Variants in CTHRC1 observed in about 807,000 individuals in gnomAD.
CTHRC1 encodes collagen triple helix repeat containing 1, also known as collagen triple helix repeat-containing protein 1.
CTHRC1 carries 21 observed loss-of-function variants against 25.9 expected under a neutral mutation model. The ratio of observed to expected loss-of-function variants is 0.81; its 90% confidence interval spans 0.57 to 1.17. The LOEUF (loss-of-function observed/expected upper bound fraction) is 1.17. Among genes scored for constraint, CTHRC1 ranks in the 50% most tolerant of loss-of-function variants. The pLI is 0.00. For synonymous variants in CTHRC1, 109 were observed against 113.1 expected (o/e 0.96, Z 0.23); for missense variants, 281 against 304.3 (o/e 0.92, Z 0.57).
intron 1 of CTHRC1, among the ~76,000 whole-genome samples, chr8:103,373,744 G>A (rs983616191): frequency 1.3e-5 from 2 of 149,038 alleles, no homozygotes; most frequent in Non-Finnish European, 3.0e-5. Flanking sequence ...AACCAAAAAT[G>A]TCTCTAGACA....
At chr8:103,371,863 G>A in intron 1 of CTHRC1, 57 bp downstream of exon 1, 5 of 1,443,416 alleles carry the variant, frequency 3.5e-6, no homozygotes, top group Non-Finnish European at 4.6e-6. Flanking sequence ...ACCTGGCCGC[G>A]CGCCCCACGG....
At chr8:103,372,841 A>G (rs888924574) in intron 1 of CTHRC1, among the ~76,000 whole-genome samples, 2 of 151,126 alleles carry the variant, frequency 1.3e-5, no homozygotes, top group Non-Finnish European at 3.0e-5. Flanking sequence ...AAGTTGGGGC[A>G]TTTTTTTTTA....
intron 3 of CTHRC1, among the ~76,000 whole-genome samples, chr8:103,379,505 T>G (rs1194507321): frequency 1.3e-5 from 2 of 152,090 alleles, no homozygotes; most frequent in African/African-American, 4.8e-5. Context: ...AATCTCATCC[T>G]CCAGAGACAC....
intron 2 of CTHRC1, among the ~76,000 whole-genome samples, chr8:103,377,607 T>C (rs1233757415): frequency 3.1e-5 from 4 of 127,248 alleles, no homozygotes; most frequent in African/African-American, 1.2e-4. Flanking sequence ...TATTTTTGTT[T>C]ATTTTAATTT....
chr8:103,382,969 A>T lies in CTHRC1; in HGVS notation c.*369A>T, dbSNP rs1815940919. The T allele has an allele frequency of 5.7e-6, 1 of 176,908 alleles. No homozygotes were observed. Among genetic ancestry groups the T allele is most frequent in the South Asian group, 1.1e-4 (1 of 8,888 alleles). 11.0% of individuals were successfully genotyped at this position (176,908 alleles called of 1,614,324 possible). A position where few individuals can be genotyped will look rare whatever the true frequency, so the allele number is the denominator to read the frequency against. ...TTAAGAATTTTTTTTATATCTGTTAAATAAAAATTATTTCCAACAACCTTA... is the reference window on the plus strand; with the variant it reads ...TTAAGAATTTTTTTTATATCTGTTATATAAAAATTATTTCCAACAACCTTA... On this transcript the variant is annotated 3_prime_UTR_variant, in exon 4 of 4. Coordinates refer to ENST00000330295, the MANE Select transcript of CTHRC1 (RefSeq NM_138455.4).
rs1233920811 is a variant in CTHRC1 at position 103,377,547 on chromosome 8, C to T, written c.373-480C>T. 3.3e-5 allele frequency among the ~76,000 whole-genome samples: 5 copies of T among 152,186 alleles called. No individual in the cohort carries two copies. The East Asian group carries it at 7.7e-4, about 23-fold the overall frequency. On this transcript the variant is annotated intron_variant, in intron 2 of 3. Transcript: ENST00000330295. ...TTTCTTAGAGTTCCTATATCAAAAT[C>T]TCTTACCTAGCTTGCAGAAAATCTC...
intron 3 of CTHRC1, among the ~76,000 whole-genome samples, chr8:103,380,215 G>C (rs981815660): frequency 6.6e-6 from 1 of 152,202 alleles, no homozygotes; most frequent in Non-Finnish European, 1.5e-5. Flanking sequence ...TTTAAGGTGT[G>C]TGTTAATATT....
At position 103,375,770 on chromosome 8, in the gene CTHRC1, A is replaced by C. The variant is rs755392681; in HGVS notation, c.183A>C (p.Gly61=). The change falls in exon 2 of 4, where the codon GGA becomes GGC. Residue 61 remains glycine, a synonymous_variant. Coordinates refer to ENST00000330295, the MANE Select transcript of CTHRC1 (RefSeq NM_138455.4). ...GAATGTGCTTACAAGGGCCAGCAGG[A>C]GTGCCTGGTCGAGACGGGAGCCCTG... The part of the protein sequence containing the change: ...YNGMCLQGPA[G]VPGRDGSPGA... The C allele has an allele frequency of 5.6e-6, 9 of 1,614,108 alleles. No individual in the cohort carries two copies. The highest frequency in any genetic ancestry group is 7.6e-6 in the Non-Finnish European group (9 of 1,180,020).
intron 3 of CTHRC1, among the ~76,000 whole-genome samples, chr8:103,381,327 T>C (rs1361497423): frequency 6.7e-6 from 1 of 148,216 alleles, no homozygotes; most frequent in African/African-American, 2.5e-5. Context: ...TTCCCACTTA[T>C]GAGTGAGCAA....
At position 103,382,545 on chromosome 8, in the gene CTHRC1, C is replaced by T. The variant is rs1480270495; in HGVS notation, c.677C>T (p.Ala226Val). The T allele has an allele frequency of 1.9e-6, 3 of 1,613,132 alleles. No individual in the cohort carries two copies. The highest frequency in any genetic ancestry group is 2.5e-6 in the Non-Finnish European group (3 of 1,179,308). Residue 226 changes from alanine (A) to valine (V), a missense_variant, in exon 4 of 4, where the codon GCT (alanine) becomes GTT (valine). Coordinates refer to ENST00000330295, the MANE Select transcript of CTHRC1 (RefSeq NM_138455.4). ...TGTTCAGATTACCCAAAAGGAGATG[C>T]TTCTACTGGATGGAATTCAGTTTCT... ...GTCSDYPKGD[A>V]STGWNSVSRI...
At position 103,382,442 on chromosome 8, in the gene CTHRC1, C is replaced by A; in HGVS notation, c.590-16C>A. On this transcript the variant is annotated splice_polypyrimidine_tract_variant and intron_variant, in intron 3 of 3. Transcript: ENST00000330295. ...TTGTTCTAAAGAAAGATGTAACTTT[C>A]ATCTTTGTCTTGCAGTGGAAGGACT... 1 of 1,613,458 alleles carries A rather than the reference C, an allele frequency of 6.2e-7. No individual in the cohort carries two copies. Among genetic ancestry groups the A allele is most frequent in the South Asian group, 1.1e-5 (1 of 91,064 alleles).
In CTHRC1 at chr8:103,371,592, C is replaced by G. The variant is rs891139506; in HGVS notation, c.-65C>G. ...CCTCGGAGCGCGGCGGAGCCAGACG[C>G]TGACCACGTTCCTCTCCTCGGTCTC... On this transcript the variant is annotated 5_prime_UTR_variant, in exon 1 of 4. Transcript: ENST00000330295. 1.1e-5 allele frequency: 17 copies of G among 1,506,914 alleles called. No individual in the cohort carries two copies. Among genetic ancestry groups the G allele is most frequent in the Non-Finnish European group, 1.5e-5 (17 of 1,126,800 alleles). 93.3% of individuals were successfully genotyped at this position (1,506,914 alleles called of 1,614,324 possible). A position where few individuals can be genotyped will look rare whatever the true frequency, so the allele number is the denominator to read the frequency against.
chr8:103,381,581 G>C (rs562292670), intron 3 of CTHRC1, among the ~76,000 whole-genome samples: 1 of 152,152 alleles, frequency 6.6e-6, no homozygotes, highest in South Asian at 2.1e-4. Flanking sequence ...AAAACACAGA[G>C]GAAAAGCAGG....
intron 3 of CTHRC1, among the ~76,000 whole-genome samples, chr8:103,378,672 A>T (rs1342270153): frequency 3.3e-5 from 5 of 152,152 alleles, no homozygotes; most frequent in African/African-American, 1.2e-4. Context: ...CCTTCCAGGG[A>T]GTCAGATTTA....
In CTHRC1 at chr8:103,371,611, C is replaced by G. The variant is rs1330322112; in HGVS notation, c.-46C>G. The G allele has an allele frequency of 6.6e-7, 1 of 1,523,488 alleles. No individual in the cohort carries two copies. The highest frequency in any genetic ancestry group is 8.8e-7 in the Non-Finnish European group (1 of 1,137,204). The allele number at this position is 1,523,488 out of a possible 1,614,324, so 94.4% of individuals were successfully genotyped here. A position where few individuals can be genotyped will look rare whatever the true frequency, so the allele number is the denominator to read the frequency against. On this transcript the variant is annotated 5_prime_UTR_variant, in exon 1 of 4. Coordinates refer to ENST00000330295, the MANE Select transcript of CTHRC1 (RefSeq NM_138455.4). ...CAGACGCTGACCACGTTCCTCTCCT[C>G]GGTCTCCTCCGCCTCCAGCTCCGCG...
rs1025290838 is a variant in CTHRC1, at chr8:103,382,763, T to C, written c.*163T>C. ...CACACTGTTTTTAAATCTAGCATTA[T>C]TCATTTTGCTTCAATCAAAAGTGGT... On this transcript the variant is annotated 3_prime_UTR_variant, in exon 4 of 4. Transcript: ENST00000330295. 7 of 718,870 alleles carry C rather than the reference T, an allele frequency of 9.7e-6. No homozygotes were observed. The highest frequency in any genetic ancestry group is 8.8e-5 in the African/African-American group (5 of 56,940). The allele number at this position is 718,870 out of a possible 1,614,324, so 44.5% of individuals were successfully genotyped here.
intron 1 of CTHRC1, chr8:103,372,488 A>G: frequency 6.3e-7 from 1 of 1,595,938 alleles, no homozygotes; most frequent in South Asian, 1.1e-5. Context: ...CCCTCTAAGG[A>G]CCTGTTTTGC....
At chr8:103,372,972 T>G (rs541959830) in intron 1 of CTHRC1, among the ~76,000 whole-genome samples, 2 of 152,346 alleles carry the variant, frequency 1.3e-5, no homozygotes, top group South Asian at 4.1e-4. Flanking sequence ...TCCCGCCATT[T>G]CACACAGCAC....
chr8:103,372,737 T>G, intron 1 of CTHRC1: 16 of 1,200,130 alleles, frequency 1.3e-5, no homozygotes, highest in Non-Finnish European at 1.9e-5. Flanking sequence ...GCCTGTGGTA[T>G]GAGGGAGCCT....
Sources: gnomAD v4.1 joint callset for allele counts (sites outside exome capture counted in the v4.1 genomes callset) on GRCh38, gnomAD v4.1.1 for gene constraint, MANE v1.5 for transcripts, NCBI Gene and HGNC (gene_info 2026-07-23, HGNC 2026-07-21) for gene names.